Variants in MOK observed in about 807,000 individuals in gnomAD.
MOK encodes the protein MOK protein kinase.
MOK carries 59 observed loss-of-function variants against 54.2 expected under a neutral mutation model. That is an observed-to-expected ratio of 1.09 (90% CI 0.88 to 1.35). The LOEUF (loss-of-function observed/expected upper bound fraction) is 1.35. Among genes scored for constraint, MOK ranks in the 40% most tolerant of loss-of-function variants. The pLI, the probability that MOK is intolerant of heterozygous loss-of-function variation, is 0.00. For missense variants in MOK, 517 were observed against 526.2 expected (o/e 0.98, Z 0.17); for synonymous variants, 210 against 202.7 (o/e 1.04, Z -0.31).
At chr14:102,268,933 T>C (rs1445687924) in intron 2 of MOK, among the ~76,000 whole-genome samples, 1 of 151,662 alleles carries the variant, frequency 6.6e-6, no homozygotes, top group Non-Finnish European at 1.5e-5. Context: ...AAAAAAATTA[T>C]TTAAAGATCA....
chr14:102,249,663 C>T lies in MOK; in HGVS notation c.590+1149G>A, dbSNP rs976241412. The stretch of plus-strand genomic sequence containing the variant: ...GGCGGAGGCTGCGGTGAGCCAAGAT[C>T]GCACCATTGCACTCCAGCCTAGGCA... On this transcript the variant is annotated intron_variant, in intron 7 of 11. Coordinates refer to ENST00000361847, the MANE Select transcript of MOK (RefSeq NM_014226.3). The surrounding 1 kb of genome is among the most constrained non-coding windows in gnomAD (Gnocchi z 5.3). Among the ~76,000 whole-genome samples the T allele has an allele frequency of 2.0e-5, 3 of 152,178 alleles. No homozygotes were observed. Among genetic ancestry groups the T allele is most frequent in the South Asian group, 2.1e-4 (1 of 4,836 alleles).
chr14:102,268,444 G>C (rs1395834189), intron 2 of MOK, among the ~76,000 whole-genome samples: 8 of 151,856 alleles, frequency 5.3e-5, no homozygotes, highest in African/African-American at 1.2e-4. Context: ...GAATTTTGTT[G>C]TCAGGTGACA....
intron 2 of MOK, among the ~76,000 whole-genome samples, chr14:102,277,013 CTTTTTTTTT>C (rs550427492): frequency 2.0e-5 from 2 of 99,958 alleles, no homozygotes; most frequent in African/African-American, 7.5e-5. Flanking sequence ...ATGCCCTGGT[CTTTTTTTTT>C]TTTTTTTTTT....
chr14:102,233,437 C>CT, intron 8 of MOK: 1 of 468,790 alleles, frequency 2.1e-6, no homozygotes, highest in Non-Finnish European at 3.9e-6. Flanking sequence ...CACAGCCTGA[C>CT]TCCCCAGCCC....
intron 1 of MOK, among the ~76,000 whole-genome samples, chr14:102,298,777 C>T (rs764478828): frequency 1.1e-4 from 16 of 152,324 alleles, no homozygotes; most frequent in Non-Finnish European, 2.1e-4. Context: ...AATCTTGCTG[C>T]TACTCACTCT....
In MOK at chr14:102,263,618, T is replaced by G. The variant is rs757788442; in HGVS notation, c.213-2A>C. 6.3e-7 allele frequency: 1 copy of G among 1,596,964 alleles called. No homozygotes were observed. ...GCAAGAGAACCAGATTTTCTGTCAC[T>G]GAAGAAGAAAGCAAGTTTTTAAAAT... On this transcript the variant is annotated splice_acceptor_variant, in intron 3 of 11. Transcript: ENST00000361847. LOFTEE classifies it high-confidence loss of function.
chr14:102,285,614 T>G (rs1214463156), intron 1 of MOK, among the ~76,000 whole-genome samples: 1 of 152,156 alleles, frequency 6.6e-6, no homozygotes, highest in Non-Finnish European at 1.5e-5. Flanking sequence ...CTTTAAAATA[T>G]CCCTGGCCGG....
At chr14:102,302,516 C>T (rs549302998) in intron 1 of MOK, among the ~76,000 whole-genome samples, 30 of 151,366 alleles carry the variant, frequency 2.0e-4, no homozygotes, top group African/African-American at 5.6e-4. Context: ...CCCAGGTCCA[C>T]GCCATTCTCC....
rs750438964 is a variant in MOK, at chr14:102,229,346, A to G, written c.1203T>C (p.Leu401=). 2 of 1,614,172 alleles carry G rather than the reference A, an allele frequency of 1.2e-6. No homozygotes were observed. Among genetic ancestry groups the G allele is most frequent in the Non-Finnish European group, 1.7e-6 (2 of 1,180,010 alleles). Residue 401 remains leucine, a synonymous_variant, in exon 12 of 12, where the codon CTT becomes CTC. Coordinates refer to ENST00000361847, the MANE Select transcript of MOK (RefSeq NM_014226.3). ...GGCGACACTGCTGCGGGGCAGGCTTAAGGTCCTTCTGCGGATCTGTCTGTC... is the reference window on the plus strand; with the variant it reads ...GGCGACACTGCTGCGGGGCAGGCTTGAGGTCCTTCTGCGGATCTGTCTGTC... The part of the protein sequence containing the change: ...ASKKTDPQKD[L]KPAPQQCRLP...
Position 102,250,795 on chromosome 14 carries a change from G to T in MOK, c.590+17C>A, listed in dbSNP as rs2066465171. ...GCTCCGCCGCAGGAACCAGGCAGGA[G>T]CCTGGCCTGGTGCTACCTGGCGATC... On this transcript the variant is annotated intron_variant, in intron 7 of 11. Transcript: ENST00000361847. 2 of 1,610,150 alleles carry T rather than the reference G, an allele frequency of 1.2e-6. No individual in the cohort carries two copies. Among genetic ancestry groups the T allele is most frequent in the Non-Finnish European group, 1.7e-6 (2 of 1,177,342 alleles).
At chr14:102,285,904 T>C (rs559064177) in intron 1 of MOK, among the ~76,000 whole-genome samples, 5 of 151,366 alleles carry the variant, frequency 3.3e-5, no homozygotes, top group Non-Finnish European at 5.9e-5. Context: ...AAAAATAAAA[T>C]AAAATACAAT....
At chr14:102,253,096 G>A (rs1597375912) in intron 4 of MOK, among the ~76,000 whole-genome samples, 2 of 152,184 alleles carry the variant, frequency 1.3e-5, no homozygotes, top group East Asian at 3.8e-4. Context: ...AACAGGTGAA[G>A]CAGGTTTGGG....
At chr14:102,214,990 G>A in the MOK span, 2 of 984,592 alleles carry the variant, frequency 2.0e-6, no homozygotes, top group Non-Finnish European at 2.4e-6. Flanking sequence ...ATAAACGTGT[G>A]TGAGTGAACT....
chr14:102,220,981 G>A (rs531037622), downstream of MOK, among the ~76,000 whole-genome samples: 153 of 152,196 alleles, frequency 1.0e-3, no homozygotes, highest in African/African-American at 3.5e-3. The surrounding 1 kb of genome is among the most constrained non-coding windows in gnomAD (Gnocchi z 4.2). Context: ...TGGCCAGGCT[G>A]GTCTCAGACT....
intron 1 of MOK, among the ~76,000 whole-genome samples, chr14:102,300,401 T>A (rs1365622544): frequency 2.2e-5 from 3 of 135,746 alleles, no homozygotes; most frequent in Non-Finnish European, 3.1e-5. Flanking sequence ...AAAAAAAAAT[T>A]AGCTGGGCGA....
intron 2 of MOK, among the ~76,000 whole-genome samples, chr14:102,266,459 T>A (rs1174292561): frequency 6.6e-6 from 1 of 151,780 alleles, no homozygotes; most frequent in Non-Finnish European, 1.5e-5. Flanking sequence ...TGCATCCCAC[T>A]ATGCCCTCTC....
At chr14:102,289,966 G>A (rs2070572649) in intron 1 of MOK, among the ~76,000 whole-genome samples, 1 of 152,144 alleles carries the variant, frequency 6.6e-6, no homozygotes, top group Non-Finnish European at 1.5e-5. Flanking sequence ...AAGGAGACTA[G>A]ATTCTTTTTC....
chr14:102,304,093 C>T (rs547136561), intron 1 of MOK, among the ~76,000 whole-genome samples: 5 of 152,216 alleles, frequency 3.3e-5, no homozygotes, highest in Non-Finnish European at 7.4e-5. Flanking sequence ...ATAAAAATGC[C>T]TTGTAAAGGG....
chr14:102,254,333 CAT>C (rs549474249), intron 4 of MOK, among the ~76,000 whole-genome samples: 248 of 152,324 alleles, frequency 1.6e-3, no homozygotes, highest in Non-Finnish European at 2.7e-3. Flanking sequence ...TATTGTTTCA[CAT>C]GATTTATCAT....
Sources: gnomAD v4.1 joint callset for allele counts (sites outside exome capture counted in the v4.1 genomes callset) on GRCh38, gnomAD v4.1.1 for gene constraint, Gnocchi (gnomAD v3.1) non-coding constraint, MANE v1.5 for transcripts, NCBI Gene and HGNC (gene_info 2026-07-23, HGNC 2026-07-21) for gene names.